The following BMP6 variants were observed in gnomAD, a reference collection of about 807,000 sequenced individuals.
BMP6 encodes the protein bone morphogenetic protein 6.
BMP6 carries 17 observed loss-of-function variants against 54.1 expected under a neutral mutation model. The ratio of observed to expected loss-of-function variants is 0.31; its 90% CI spans 0.22 to 0.47. The LOEUF (loss-of-function observed/expected upper bound fraction) is 0.47. Among genes scored for constraint, BMP6 ranks in the 20% least tolerant of loss-of-function variants. The pLI is 1.00. For synonymous variants in BMP6, 328 were observed against 291.2 expected (o/e 1.13, Z -1.28); for missense variants, 720 against 690.4 (o/e 1.04, Z -0.48).
chr6:7,848,745 A>G (rs1759102685), intron 2 of BMP6, among the ~76,000 whole-genome samples: 2 of 152,172 alleles, frequency 1.3e-5, no homozygotes, highest in African/African-American at 4.8e-5. Flanking sequence ...GTAACACATG[A>G]TGCCTTTGCG....
At chr6:7,751,353 A>G (rs1204948502) in intron 1 of BMP6, among the ~76,000 whole-genome samples, 3 of 152,210 alleles carry the variant, frequency 2.0e-5, no homozygotes, top group Non-Finnish European at 4.4e-5. Context: ...AAACTTCCCA[A>G]AAATACCCAT....
At chr6:7,845,406 A>G in intron 2 of BMP6, 74 bp downstream of exon 2, 1 of 1,417,712 alleles carries the variant, frequency 7.1e-7, no homozygotes, top group South Asian at 1.4e-5. Flanking sequence ...CAATAACCCC[A>G]GCTATGTCTG....
chr6:7,871,210 T>C (rs913187632), intron 4 of BMP6, among the ~76,000 whole-genome samples: 6 of 152,234 alleles, frequency 3.9e-5, no homozygotes, highest in Admixed American at 1.3e-4. Flanking sequence ...TTAAAACCCA[T>C]GTTCAAATAT....
At chr6:7,733,070 T>C (rs1379712795) in intron 1 of BMP6, among the ~76,000 whole-genome samples, 2 of 151,550 alleles carry the variant, frequency 1.3e-5, no homozygotes, top group South Asian at 4.2e-4. Context: ...GGCTAATATT[T>C]TTTTTTTGTA....
At chr6:7,860,106 T>G (rs1405499145) in intron 2 of BMP6, among the ~76,000 whole-genome samples, 1 of 152,186 alleles carries the variant, frequency 6.6e-6, no homozygotes, top group East Asian at 1.9e-4. Context: ...TTTTTTCACT[T>G]GCTAGCTTGA....
At chr6:7,875,540 G>A (rs1489280595) in intron 4 of BMP6, among the ~76,000 whole-genome samples, 3 of 152,046 alleles carry the variant, frequency 2.0e-5, no homozygotes, top group Non-Finnish European at 4.4e-5. Context: ...GTGGTGGCCC[G>A]TTCTTGTAGT....
chr6:7,735,841 G>A (rs1446168753), intron 1 of BMP6, among the ~76,000 whole-genome samples: 2 of 152,158 alleles, frequency 1.3e-5, no homozygotes, highest in African/African-American at 2.4e-5. Flanking sequence ...GTTATCCACC[G>A]CTATAGTATC....
intron 1 of BMP6, among the ~76,000 whole-genome samples, chr6:7,752,954 G>C (rs1188396075): frequency 6.6e-6 from 1 of 152,048 alleles, no homozygotes; most frequent in Non-Finnish European, 1.5e-5. Context: ...TCAAGAAACT[G>C]GGTCAGCCAG....
chr6:7,748,768 C>T (rs140818239), intron 1 of BMP6, among the ~76,000 whole-genome samples: 1 of 152,254 alleles, frequency 6.6e-6, no homozygotes, highest in East Asian at 1.9e-4. Context: ...GAAATATTTC[C>T]AATTCCTTAG....
rs1028244492 is a variant in BMP6 at position 7,727,295 on chromosome 6, C to G, written c.340C>G (p.Gln114Glu). 6.2e-7 allele frequency: 1 copy of G among 1,605,848 alleles called. No homozygotes were observed. Among genetic ancestry groups the G allele is most frequent in the Middle Eastern group, 1.7e-4 (1 of 6,004 alleles). The stretch of plus-strand genomic sequence containing the variant: ...GGCGCTCCGGCAGCAGGAGGAGCAG[C>G]AGCAGCAGCAGCAGCTGCCTCGCGG... ...PPALRQQEEQ[Q>E]QQQQLPRGEP... is the part of the protein sequence containing the mutation. The change falls in exon 1 of 7, where the codon CAG becomes GAG. Residue 114 changes from glutamine to glutamate, a missense_variant. Physicochemically the swap from Gln to Glu is conservative, Grantham distance 29. Around this residue, in one of 3 missense-constraint regions of BMP6, gnomAD observed 650 missense variants for 556.3 expected, o/e 1.17. Transcript: ENST00000283147.
At chr6:7,843,030 G>A (rs1652705505) in intron 1 of BMP6, among the ~76,000 whole-genome samples, 1 of 152,152 alleles carries the variant, frequency 6.6e-6, no homozygotes, top group Admixed American at 6.5e-5. Context: ...TTTAACCAAC[G>A]ATGATAACAT....
intron 1 of BMP6, among the ~76,000 whole-genome samples, chr6:7,772,661 C>T (rs1486243768): frequency 6.6e-6 from 1 of 152,116 alleles, no homozygotes; most frequent in Non-Finnish European, 1.5e-5. Flanking sequence ...AAACCAGAAC[C>T]AGGATGCAAG....
chr6:7,845,119 C>G (rs756972558), intron 1 of BMP6, 21 bp from the exon 2 acceptor site: 1 of 1,595,308 alleles, frequency 6.3e-7, no homozygotes, highest in Non-Finnish European at 8.6e-7. Context: ...AGTTGTCACT[C>G]TCTCTTGTTT....
chr6:7,840,020 G>A (rs960636953), intron 1 of BMP6, among the ~76,000 whole-genome samples: 1 of 152,202 alleles, frequency 6.6e-6, no homozygotes, highest in Non-Finnish European at 1.5e-5. Flanking sequence ...TGAAGAAGGA[G>A]AGGAGTTACT....
chr6:7,766,506 T>C (rs1326165597), intron 1 of BMP6, among the ~76,000 whole-genome samples: 2 of 152,122 alleles, frequency 1.3e-5, no homozygotes, highest in African/African-American at 4.8e-5. Context: ...TAGTCCTAGC[T>C]ACTTGGGAGG....
chr6:7,761,554 G>T (rs1435084806), intron 1 of BMP6, among the ~76,000 whole-genome samples: 1 of 152,182 alleles, frequency 6.6e-6, no homozygotes, highest in Non-Finnish European at 1.5e-5. Context: ...CAACAGGGGT[G>T]GATGGAAGGA....
chr6:7,834,987 G>A (rs1183372434), intron 1 of BMP6, among the ~76,000 whole-genome samples: 2 of 152,210 alleles, frequency 1.3e-5, no homozygotes, highest in African/African-American at 4.8e-5. Flanking sequence ...AACTACGACG[G>A]CATCTGAGCC....
chr6:7,766,401 C>T (rs1053045531), intron 1 of BMP6, among the ~76,000 whole-genome samples: 1 of 152,132 alleles, frequency 6.6e-6, no homozygotes, highest in Admixed American at 6.5e-5. Flanking sequence ...TTGCTTGAGA[C>T]CAGGAGTTTG....
chr6:7,730,379 G>GCTGA (rs1193964668), intron 1 of BMP6, among the ~76,000 whole-genome samples: 5 of 152,144 alleles, frequency 3.3e-5, no homozygotes, highest in Non-Finnish European at 5.9e-5. Flanking sequence ...CCCAAGACAG[G>GCTGA]CTGACACAGA....
Sources: gnomAD v4.1 joint callset for allele counts (sites outside exome capture counted in the v4.1 genomes callset) on GRCh38, gnomAD v4.1.1 for gene constraint, gnomAD v4.1.1 regional missense constraint, MANE v1.5 for transcripts, NCBI Gene and HGNC (gene_info 2026-07-23, HGNC 2026-07-21) for gene names.